SPX: variants seen among roughly 807,000 people sequenced by gnomAD.
SPX encodes spexin.
A neutral mutation model predicts 19.2 loss-of-function variants in SPX; 22 were observed. That is an observed-to-expected ratio of 1.15 (90% CI 0.82 to 1.64). SPX has a LOEUF of 1.64. SPX is among the 40% of genes most tolerant of loss of function. SPX has a pLI of 0.00. For synonymous variants in SPX, 50 were observed against 53.3 expected (o/e 0.94, Z 0.27); for missense variants, 143 against 137.7 (o/e 1.04, Z -0.19).
chr12:21,531,154 G>T lies in SPX; in HGVS notation c.310G>T (p.Asp104Tyr). 1.3e-6 allele frequency: 2 copies of T among 1,589,422 alleles called. No individual in the cohort carries two copies. Among genetic ancestry groups the T allele is most frequent in the South Asian group, 1.1e-5 (1 of 87,562 alleles). Residue 104 changes from aspartate (D) to tyrosine (Y), a missense_variant, in exon 6 of 6, where the codon GAT becomes TAT. Transcript: ENST00000256969. ...KSPEDEEKNFDQTRFLEDSLL... is the reference protein window; with the variant it reads ...KSPEDEEKNFYQTRFLEDSLL... ...TCTTACAGATGAAGAAAAAAACTTTGATCAAACCAGATTCCTGGAAGACAG... is the reference window on the plus strand; with the variant it reads ...TCTTACAGATGAAGAAAAAAACTTTTATCAAACCAGATTCCTGGAAGACAG...
intron 3 of SPX, 79 bp downstream of exon 3, chr12:21,527,271 G>A (rs1286163349): frequency 5.0e-6 from 7 of 1,391,492 alleles, no homozygotes; most frequent in Non-Finnish European, 7.1e-6. Context: ...GAGAGTTATG[G>A]AGAGAGAATA....
chr12:21,527,593 C>G (rs1943826351), intron 3 of SPX, 134 bp from the exon 4 acceptor site: 1 of 872,812 alleles, frequency 1.1e-6, no homozygotes, highest in East Asian at 2.7e-5. Flanking sequence ...CTCGGCAGCC[C>G]CGCGCGACCC....
In SPX at chr12:21,527,144, G is replaced by C. The variant is rs748272139; in HGVS notation, c.97G>C (p.Glu33Gln). 6.2e-7 allele frequency: 1 copy of C among 1,614,018 alleles called. No individual in the cohort carries two copies. Reference sequence around the variant, plus strand: ...TTCCCCCGGGCTATAGAGACTGTTGGAGAGAAGGAACTGGACTCCTCAAGC... The same window carrying C: ...TTCCCCCGGGCTATAGAGACTGTTGCAGAGAAGGAACTGGACTCCTCAAGC... ...NSSCAPQRLL[E>Q]RRNWTPQAML... Residue 33 changes from glutamate to glutamine, a missense_variant, in exon 3 of 6, where the codon GAG becomes CAG. Physicochemically the swap from Glu to Gln is conservative, Grantham distance 29. Coordinates refer to ENST00000256969, the MANE Select transcript of SPX (RefSeq NM_030572.4).
chr12:21,528,164 AG>A, intron 4 of SPX: 1 of 190,330 alleles, frequency 5.3e-6, no homozygotes, highest in Non-Finnish European at 1.1e-5. Flanking sequence ...AAGGCGAGAT[AG>A]GAAGAACTAT....
intron 2 of SPX, 81 bp downstream of exon 2, chr12:21,527,047 T>C: frequency 6.3e-7 from 1 of 1,586,590 alleles, no homozygotes; most frequent in East Asian, 2.2e-5. Context: ...CTTCTTGTTT[T>C]ATTCTCTTCT....
intron 4 of SPX, 50 bp from the exon 5 acceptor site, chr12:21,528,951 C>A: frequency 6.7e-7 from 1 of 1,498,234 alleles, no homozygotes; most frequent in Non-Finnish European, 9.3e-7. Flanking sequence ...GACTTATCTA[C>A]ATCAATATAT....
chr12:21,527,126 G>A lies in SPX; in HGVS notation c.88-9G>A, dbSNP rs750313150. ...TTATTAACTGCTCTTCCCTTCCCCC[G>A]GGCTATAGAGACTGTTGGAGAGAAG... On this transcript the variant is annotated splice_polypyrimidine_tract_variant and intron_variant, in intron 2 of 5. Transcript: ENST00000256969. The A allele has an allele frequency of 3.1e-6, 5 of 1,613,428 alleles. No individual in the cohort carries two copies. The highest frequency in any genetic ancestry group is 1.3e-5 in the African/African-American group (1 of 74,828).
chr12:21,529,737 C>G (rs1943845937), intron 5 of SPX, among the ~76,000 whole-genome samples: 1 of 152,182 alleles, frequency 6.6e-6, no homozygotes, highest in Non-Finnish European at 1.5e-5. Context: ...TAAGAGAAAG[C>G]AGGTCTCAGG....
chr12:21,529,202 C>G lies in SPX; in HGVS notation c.292+118C>G, dbSNP rs569984934. On this transcript the variant is annotated intron_variant, in intron 5 of 5. Transcript: ENST00000256969. ...TTTCTTGGCCTTAGGCCCAGAAATT[C>G]TAATTCTGTACTGCTTGAGTGAGGC... 27 of 917,842 alleles carry G rather than the reference C, an allele frequency of 2.9e-5. No individual in the cohort carries two copies. In the South Asian group the frequency reaches 3.4e-4, roughly 12 times the overall value. The allele number at this position is 917,842 out of a possible 1,614,324, so 56.9% of individuals were successfully genotyped here. A position where few individuals can be genotyped will look rare whatever the true frequency, so the allele number is the denominator to read the frequency against.
At chr12:21,527,049 T>A in intron 2 of SPX, 83 bp downstream of exon 2, 1 of 1,585,360 alleles carries the variant, frequency 6.3e-7, no homozygotes, top group Non-Finnish European at 8.7e-7. Context: ...TCTTGTTTTA[T>A]TCTCTTCTTT....
intron 5 of SPX, among the ~76,000 whole-genome samples, 191 bp from the exon 6 acceptor site, chr12:21,530,946 A>C (rs535022325): frequency 6.6e-6 from 1 of 152,282 alleles, no homozygotes; most frequent in African/African-American, 2.4e-5. Context: ...AATGTGTCCC[A>C]AGCTGAGAAA....
At chr12:21,529,131 C>T (rs760742909) in intron 5 of SPX, 47 bp downstream of exon 5, 1 of 1,566,762 alleles carries the variant, frequency 6.4e-7, no homozygotes, top group Non-Finnish European at 8.8e-7. Context: ...AACAGCTTTG[C>T]TTACTTTCGG....
At chr12:21,530,760 T>A (rs991810175) in intron 5 of SPX, among the ~76,000 whole-genome samples, 5 of 152,194 alleles carry the variant, frequency 3.3e-5, no homozygotes, top group African/African-American at 4.8e-5. Flanking sequence ...AGATCCATTT[T>A]AACAGGAAAT....
rs760083167 is a variant in SPX at position 21,527,793 on chromosome 12, AGTGACCAAGG to A, written c.208+8_208+17del. 3.8e-6 allele frequency: 6 copies of A among 1,570,488 alleles called. No homozygotes were observed. In the East Asian group the frequency reaches 9.2e-5, roughly 24 times the overall value. On this transcript the variant is annotated splice_donor_5th_base_variant and intron_variant, in intron 4 of 5. Transcript: ENST00000256969. ...CTCTCCGACCGGCCACTGCCGGGTG[AGTGACCAAGG>A]GTGCAAGGGCGCTAGTCCTGCGCTT...
chr12:21,527,414 G>A, intron 3 of SPX: 1 of 607,658 alleles, frequency 1.6e-6, no homozygotes. Flanking sequence ...TCCAAAACTG[G>A]AGGGTTGCTT....
chr12:21,527,180 C>T lies in SPX; in HGVS notation c.133C>T (p.Leu45=), dbSNP rs1168156076. The T allele has an allele frequency of 6.2e-7, 1 of 1,613,954 alleles. No homozygotes were observed. ...CTGGACTCCTCAAGCTATGCTCTAC[C>T]TGAAAGGGGCACGTAAGTTCCAAAT... is the stretch of plus-strand genomic sequence containing the variant. The part of the protein sequence containing the change: ...RNWTPQAMLY[L]KGAQGRRFIS... Residue 45 remains leucine, a synonymous_variant, in exon 3 of 6, where the codon CTG becomes TTG. Transcript: ENST00000256969.
Position 21,531,934 on chromosome 12 carries a change from G to A in SPX, c.*739G>A, listed in dbSNP as rs996105111. 1 of 152,180 alleles carries A rather than the reference G, an allele frequency of 6.6e-6. No homozygotes were observed. The highest frequency in any genetic ancestry group is 1.5e-5 in the Non-Finnish European group (1 of 68,038). 9.4% of individuals were successfully genotyped at this position (152,180 alleles called of 1,614,324 possible). On this transcript the variant is annotated 3_prime_UTR_variant, in exon 6 of 6. Coordinates refer to ENST00000256969, the MANE Select transcript of SPX (RefSeq NM_030572.4). ...TTTACGTATTGGAAGAAGGGAACAA[G>A]CCAGTTTTGTTAGAGGTAACTCATT...
chr12:21,527,290 T>C, intron 3 of SPX, 98 bp downstream of exon 3: 1 of 1,255,332 alleles, frequency 8.0e-7, no homozygotes, highest in Non-Finnish European at 1.2e-6. Flanking sequence ...TAATGTCGAG[T>C]TTATTCCCTT....
At chr12:21,528,647 C>CT (rs1237091363) in intron 4 of SPX, among the ~76,000 whole-genome samples, 1 of 152,172 alleles carries the variant, frequency 6.6e-6, no homozygotes, top group African/African-American at 2.4e-5. Flanking sequence ...AACAATTTGT[C>CT]TTTTTTCAAC....
Sources: allele counts gnomAD v4.1 joint callset (sites outside exome capture counted in the v4.1 genomes callset), GRCh38; gene constraint gnomAD v4.1.1; transcripts MANE v1.5; gene names NCBI Gene and HGNC (gene_info 2026-07-23, HGNC 2026-07-21).